DPYD: variants seen among roughly 807,000 people sequenced by gnomAD.
The protein encoded by DPYD is dihydropyrimidine dehydrogenase [NADP(+)].
DPYD carries 109 observed loss-of-function variants against 116.2 expected under a neutral mutation model. The observed-to-expected ratio is 0.94, with a 90% CI of 0.80 to 1.10. The LOEUF is 1.10. Among genes scored for constraint, DPYD ranks in the 50% least tolerant of loss-of-function variants. The pLI is 0.00. For synonymous variants in DPYD, 440 were observed against 432.0 expected (o/e 1.02, Z -0.23); for missense variants, 1,302 against 1,254.5 (o/e 1.04, Z -0.57).
chr1:97,172,418 A>T (rs967468542), intron 20 of DPYD, among the ~76,000 whole-genome samples: 2 of 152,206 alleles, frequency 1.3e-5, no homozygotes, highest in African/African-American at 4.8e-5. Flanking sequence ...ATGGGAATTC[A>T]TATGAATTTG....
At chr1:97,329,134 A>T (rs1195487704) in intron 16 of DPYD, among the ~76,000 whole-genome samples, 1 of 152,174 alleles carries the variant, frequency 6.6e-6, no homozygotes, top group Non-Finnish European at 1.5e-5. Flanking sequence ...AAAGAAGAAT[A>T]ATAGTAAATC....
intron 12 of DPYD, chr1:97,546,332 T>A (rs902677034): frequency 1.4e-6 from 2 of 1,424,442 alleles, no homozygotes; most frequent in Middle Eastern, 1.8e-4. Context: ...AAACAAAAGC[T>A]GGCAAATGGA....
At chr1:97,754,687 T>C (rs1227974231) in intron 3 of DPYD, among the ~76,000 whole-genome samples, 1 of 152,196 alleles carries the variant, frequency 6.6e-6, no homozygotes, top group Non-Finnish European at 1.5e-5. Flanking sequence ...GCAGGATGAA[T>C]AAGTTATAGG....
intron 16 of DPYD, among the ~76,000 whole-genome samples, chr1:97,317,201 AG>A (rs1301348470): frequency 6.6e-6 from 1 of 152,002 alleles, no homozygotes; most frequent in African/African-American, 2.4e-5. Flanking sequence ...CCATACAAAA[AG>A]GGTGTCATCC....
At chr1:97,143,254 G>A (rs1428308455) in intron 20 of DPYD, among the ~76,000 whole-genome samples, 1 of 151,910 alleles carries the variant, frequency 6.6e-6, no homozygotes, top group African/African-American at 2.4e-5. Context: ...GGTGTGTTTT[G>A]GAATTCCTTC....
rs556739925 is a variant in DPYD at position 97,815,673 on chromosome 1, T to C, written c.233+12441A>G. On this transcript the variant is annotated intron_variant, in intron 3 of 22. Coordinates refer to ENST00000370192, the MANE Select transcript of DPYD (RefSeq NM_000110.4). ...TGAAAAACCTTTATTGACAACTCTT[T>C]CATTAGGCTTTGAGGGTGAGGAGCA... is the stretch of plus-strand genomic sequence containing the variant. 2.6e-4 allele frequency among the ~76,000 whole-genome samples: 39 copies of C among 152,320 alleles called. No homozygotes were observed. In the East Asian group the frequency reaches 5.2e-3, roughly 20 times the overall value.
At chr1:97,593,792 A>G (rs1319942761) in intron 9 of DPYD, among the ~76,000 whole-genome samples, 1 of 152,238 alleles carries the variant, frequency 6.6e-6, no homozygotes, top group African/African-American at 2.4e-5. Context: ...ATTTCATTAT[A>G]ATACTTTTTT....
intron 12 of DPYD, among the ~76,000 whole-genome samples, chr1:97,530,214 C>CTTTTTTTTTTT (rs57740723): frequency 2.1e-3 from 234 of 112,706 alleles, no homozygotes; most frequent in Non-Finnish European, 2.9e-3. Context: ...CTTTTTTTTT[C>CTTTTTTTTTTT]TTTTTTTTTT....
chr1:97,224,950 A>G (rs1661016326), intron 19 of DPYD, among the ~76,000 whole-genome samples: 1 of 151,994 alleles, frequency 6.6e-6, no homozygotes, highest in African/African-American at 2.4e-5. Flanking sequence ...GCTATTGTGA[A>G]TAATACTGCA....
intron 11 of DPYD, among the ~76,000 whole-genome samples, chr1:97,569,091 C>G (rs1311745069): frequency 3.9e-5 from 6 of 151,908 alleles, no homozygotes; most frequent in African/African-American, 1.2e-4. Flanking sequence ...ATTATGTCAT[C>G]CAGATCTCCT....
intron 18 of DPYD, among the ~76,000 whole-genome samples, chr1:97,260,154 T>C (rs1438011615): frequency 2.0e-5 from 3 of 152,118 alleles, no homozygotes; most frequent in African/African-American, 7.2e-5. Flanking sequence ...CATCAATCAG[T>C]TTCAAGAATG....
At chr1:97,588,762 T>C (rs2786489) in intron 10 of DPYD, among the ~76,000 whole-genome samples, 15 of 152,200 alleles carry the variant, frequency 9.9e-5, no homozygotes, top group African/African-American at 3.6e-4. Flanking sequence ...TTAGCATGTG[T>C]GTGAGGCCAC....
At chr1:97,332,688 CACAA>C in intron 16 of DPYD, among the ~76,000 whole-genome samples, 1 of 152,224 alleles carries the variant, frequency 6.6e-6, no homozygotes, top group Admixed American at 6.5e-5. Flanking sequence ...TAATGTAAAT[CACAA>C]ACTCTGGAAA....
chr1:97,909,990 T>G (rs1673851126), intron 1 of DPYD, among the ~76,000 whole-genome samples: 1 of 152,142 alleles, frequency 6.6e-6, no homozygotes, highest in East Asian at 1.9e-4. Flanking sequence ...CTCTTTGATT[T>G]GCTTTCATTT....
intron 10 of DPYD, among the ~76,000 whole-genome samples, chr1:97,577,816 GTTA>G (rs1339425911): frequency 6.6e-6 from 1 of 151,734 alleles, no homozygotes; most frequent in African/African-American, 2.4e-5. Flanking sequence ...TATTATTTTT[GTTA>G]TTTTTTATTT....
chr1:97,749,729 A>T (rs1664767640), intron 3 of DPYD, among the ~76,000 whole-genome samples: 2 of 152,186 alleles, frequency 1.3e-5, no homozygotes, highest in Non-Finnish European at 2.9e-5. Flanking sequence ...TAACAATAAC[A>T]AGCCATATGT....
intron 20 of DPYD, among the ~76,000 whole-genome samples, chr1:97,114,176 G>A (rs182797694): frequency 6.6e-6 from 1 of 152,242 alleles, no homozygotes; most frequent in East Asian, 1.9e-4. Flanking sequence ...AAAACGATGA[G>A]TGACTATCAC....
At position 97,107,165 on chromosome 1, in the gene DPYD, T is replaced by A. The variant is rs1353200898; in HGVS notation, c.2623-8533A>T. On this transcript the variant is annotated intron_variant, in intron 20 of 22. Coordinates refer to ENST00000370192, the MANE Select transcript of DPYD (RefSeq NM_000110.4). ...AACTCCTGCATGCTGTCATTCTTCC[T>A]GACAGACTTCTATTTCCACCTCTTT... Among the ~76,000 whole-genome samples, 3 of 152,134 alleles carry A rather than the reference T, an allele frequency of 2.0e-5. No homozygotes were observed. In the East Asian group the frequency reaches 5.8e-4, roughly 29 times the overall value.
At position 97,613,327 on chromosome 1, in the gene DPYD, T is replaced by C. The variant is rs2786503; in HGVS notation, c.851-18161A>G. 7.2e-5 allele frequency among the ~76,000 whole-genome samples: 11 copies of C among 152,050 alleles called. No individual in the cohort carries two copies. In the East Asian group the frequency reaches 1.4e-3, roughly 19 times the overall value. On this transcript the variant is annotated intron_variant, in intron 8 of 22. Coordinates refer to ENST00000370192, the MANE Select transcript of DPYD (RefSeq NM_000110.4). ...TTTCCTAAGGAAAATATTTCCTTTATCACACTCTTTGTTCAGTGTGCTCAT... is the reference window on the plus strand; with the variant it reads ...TTTCCTAAGGAAAATATTTCCTTTACCACACTCTTTGTTCAGTGTGCTCAT...
Sources: allele counts gnomAD v4.1 joint callset (sites outside exome capture counted in the v4.1 genomes callset), GRCh38; gene constraint gnomAD v4.1.1; transcripts MANE v1.5; gene names NCBI Gene and HGNC (gene_info 2026-07-23, HGNC 2026-07-21).